AGBL4: variants seen among roughly 807,000 people sequenced by gnomAD.
AGBL4 encodes cytosolic carboxypeptidase 6.
AGBL4 carries 58 observed loss-of-function variants against 66.4 expected under a neutral mutation model. The ratio of observed to expected loss-of-function variants is 0.87; its 90% confidence interval spans 0.71 to 1.09. The LOEUF is 1.09. Among genes scored for constraint, AGBL4 ranks in the 50% least tolerant of loss-of-function variants. AGBL4 has a pLI of 0.00. For missense variants in AGBL4, 579 were observed against 631.0 expected (o/e 0.92, Z 0.88); for synonymous variants, 234 against 222.9 (o/e 1.05, Z -0.44).
chr1:48,786,723 G>A (rs1374116272), intron 6 of AGBL4, among the ~76,000 whole-genome samples: 1 of 152,106 alleles, frequency 6.6e-6, no homozygotes, highest in African/African-American at 2.4e-5. Flanking sequence ...GATTTCTACT[G>A]GCATATATCC....
At chr1:49,393,675 T>A (rs907186171) in intron 3 of AGBL4, among the ~76,000 whole-genome samples, 4 of 152,046 alleles carry the variant, frequency 2.6e-5, no homozygotes, top group Admixed American at 6.5e-5. Context: ...TTCACAGAGG[T>A]GATTTCTGAG....
chr1:49,762,563 C>T (rs1231699501), intron 2 of AGBL4, among the ~76,000 whole-genome samples: 4 of 152,062 alleles, frequency 2.6e-5, no homozygotes, highest in African/African-American at 9.7e-5. Context: ...CAGGCGCCTG[C>T]CACCATGCCC....
At chr1:49,107,658 T>G in intron 4 of AGBL4, among the ~76,000 whole-genome samples, 1 of 149,932 alleles carries the variant, frequency 6.7e-6, no homozygotes, top group African/African-American at 2.5e-5. Context: ...CCTGTGGGCA[T>G]GTATGAATAT....
At chr1:48,593,674 C>G (rs1205204590) in intron 9 of AGBL4, among the ~76,000 whole-genome samples, 1 of 152,028 alleles carries the variant, frequency 6.6e-6, no homozygotes. Flanking sequence ...CCGCTTGAAC[C>G]CAGGAGGTGG....
chr1:50,008,839 T>C (rs949982986), intron 1 of AGBL4, among the ~76,000 whole-genome samples: 20 of 152,216 alleles, frequency 1.3e-4, no homozygotes, highest in African/African-American at 4.6e-4. Flanking sequence ...ATGTGGCAGA[T>C]ATTCAAAGGA....
chr1:48,597,723 AAGGGG>A (rs1298642032), intron 9 of AGBL4, among the ~76,000 whole-genome samples: 95 of 112,678 alleles, frequency 8.4e-4, no homozygotes, highest in African/African-American at 2.1e-3. Context: ...GAGAGGAGGG[AAGGGG>A]AGGGGAGGGG....
Position 49,376,155 on chromosome 1 carries a change from T to G in AGBL4, c.283-130291A>C, listed in dbSNP as rs145120557. Reference sequence around the variant, plus strand: ...CAAACTCTAGTAAACCACTATTTGGTGCTCCTGTACCCACCATTTCATACC... The same window carrying G: ...CAAACTCTAGTAAACCACTATTTGGGGCTCCTGTACCCACCATTTCATACC... On this transcript the variant is annotated intron_variant, in intron 3 of 13. Transcript: ENST00000371839. Among the ~76,000 whole-genome samples, 38 of 152,242 alleles carry G rather than the reference T, an allele frequency of 2.5e-4. 2 individuals carry two copies. In the East Asian group the frequency reaches 6.0e-3, roughly 24 times the overall value.
intron 6 of AGBL4, among the ~76,000 whole-genome samples, chr1:48,836,300 A>C (rs1370134108): frequency 6.6e-6 from 1 of 151,260 alleles, no homozygotes; most frequent in Non-Finnish European, 1.5e-5. Flanking sequence ...TTCCTCAAAA[A>C]AAAAAAAAAA....
chr1:48,638,948 G>A (rs753535556), intron 8 of AGBL4, among the ~76,000 whole-genome samples: 4 of 152,078 alleles, frequency 2.6e-5, no homozygotes, highest in Non-Finnish European at 4.4e-5. Context: ...CCATTCTTTC[G>A]AGGCTACATA....
At chr1:48,791,218 G>A (rs1645541707) in intron 6 of AGBL4, among the ~76,000 whole-genome samples, 1 of 152,158 alleles carries the variant, frequency 6.6e-6, no homozygotes, top group Non-Finnish European at 1.5e-5. Context: ...AAAGCCTTCA[G>A]TAAAAGGTAA....
At chr1:49,929,294 C>T (rs80146402) in intron 1 of AGBL4, among the ~76,000 whole-genome samples, 548 of 151,770 alleles carry the variant, frequency 3.6e-3, no homozygotes, top group Non-Finnish European at 5.4e-3. Context: ...TACACATGTA[C>T]CCCAAGAATA....
At chr1:49,936,861 A>G (rs901597863) in intron 1 of AGBL4, among the ~76,000 whole-genome samples, 2 of 152,320 alleles carry the variant, frequency 1.3e-5, no homozygotes, top group East Asian at 3.9e-4. Context: ...GAAAGGAACA[A>G]CCGGTACCAG....
intron 3 of AGBL4, among the ~76,000 whole-genome samples, chr1:49,258,026 C>T (rs1433157232): frequency 6.6e-6 from 1 of 152,180 alleles, no homozygotes; most frequent in Non-Finnish European, 1.5e-5. Flanking sequence ...GTTCTGCAGA[C>T]CCCGCTGCTG....
chr1:48,804,584 T>A (rs189450804), intron 6 of AGBL4, among the ~76,000 whole-genome samples: 676 of 152,206 alleles, frequency 4.4e-3, no homozygotes, highest in Middle Eastern at 6.8e-3. Flanking sequence ...CAGCATCTGA[T>A]AAACAAGAAA....
intron 3 of AGBL4, among the ~76,000 whole-genome samples, chr1:49,468,798 A>G (rs999850412): frequency 6.6e-6 from 1 of 151,892 alleles, no homozygotes; most frequent in Non-Finnish European, 1.5e-5. Context: ...AAAGTGCATT[A>G]TCACAATATT....
rs1409250798 is a variant in AGBL4 at position 49,697,424 on chromosome 1, C to A, written c.171G>T (p.Arg57=). The part of the protein sequence containing the change: ...DACFESGNLG[R]VDQVSEFEYD... The stretch of plus-strand genomic sequence containing the variant: ...ACTCAAACTCAGAGACCTGGTCCAC[C>A]CGGCCCAGGTTACCTGGTAATAAAA... Residue 57 remains arginine, a synonymous_variant, in exon 3 of 14, where the codon CGG becomes CGT. Transcript: ENST00000371839. 2 of 1,518,418 alleles carry A rather than the reference C, an allele frequency of 1.3e-6. No individual in the cohort carries two copies. Among genetic ancestry groups the A allele is most frequent in the East Asian group, 4.9e-5 (2 of 40,410 alleles). The allele number at this position is 1,518,418 out of a possible 1,614,324, so 94.1% of individuals were successfully genotyped here. A position where few individuals can be genotyped will look rare whatever the true frequency, so the allele number is the denominator to read the frequency against.
chr1:48,907,771 G>A (rs1020830420), intron 5 of AGBL4, among the ~76,000 whole-genome samples: 1 of 152,090 alleles, frequency 6.6e-6, no homozygotes, highest in African/African-American at 2.4e-5. Context: ...ATATAGTTGG[G>A]GATGCACTGT....
chr1:49,934,302 G>C (rs74543276), intron 1 of AGBL4, among the ~76,000 whole-genome samples: 8,105 of 152,080 alleles, frequency 0.053, 239 homozygotes, highest in African/African-American at 0.071. Flanking sequence ...GGACCTAAGA[G>C]ACATATTCAA....
intron 9 of AGBL4, among the ~76,000 whole-genome samples, chr1:48,621,384 C>A (rs1645411276): frequency 6.6e-6 from 1 of 152,136 alleles, no homozygotes; most frequent in African/African-American, 2.4e-5. Context: ...GCAATGGACT[C>A]TAATGAGTTT....
Sources: allele counts gnomAD v4.1 joint callset (sites outside exome capture counted in the v4.1 genomes callset), GRCh38; gene constraint gnomAD v4.1.1; transcripts MANE v1.5; gene names NCBI Gene and HGNC (gene_info 2026-07-23, HGNC 2026-07-21).